RYR3: variants seen among roughly 807,000 people sequenced by gnomAD.
RYR3 encodes the protein ryanodine receptor 3.
A neutral mutation model predicts 584.3 loss-of-function variants in RYR3; 207 were observed. The observed-to-expected ratio is 0.35, with a 90% CI of 0.32 to 0.40. The LOEUF is 0.40. Ranked by LOEUF, RYR3 falls within the 10% of genes least tolerant of loss-of-function variation. The pLI is 1.00. For missense variants in RYR3, 5,616 were observed against 6,089.2 expected (o/e 0.92, Z 2.59); for synonymous variants, 2,416 against 2,248.5 (o/e 1.07, Z -2.11).
chr15:33,607,853 C>T (rs941974851), intron 18 of RYR3, among the ~76,000 whole-genome samples: 7 of 152,054 alleles, frequency 4.6e-5, no homozygotes, highest in African/African-American at 1.2e-4. Context: ...TTACAGTGTG[C>T]GAGGCGCTCT....
At chr15:33,687,224 G>A (rs2065073771) in intron 38 of RYR3, among the ~76,000 whole-genome samples, 1 of 152,170 alleles carries the variant, frequency 6.6e-6, no homozygotes, top group African/African-American at 2.4e-5. Context: ...CAAAGTCTCA[G>A]GATACAAAAT....
Position 33,857,775 on chromosome 15 carries a change from C to T in RYR3, c.14008-5C>T. On this transcript the variant is annotated splice_region_variant and splice_polypyrimidine_tract_variant and intron_variant, in intron 98 of 103. Transcript: ENST00000634891. ...CTTTTCCTTTCTCTGTCCTCTCATT[C>T]CCAGTTGGTTCTGACTGTCGGTCTC... is the stretch of plus-strand genomic sequence containing the variant. 3 of 1,613,962 alleles carry T rather than the reference C, an allele frequency of 1.9e-6. No homozygotes were observed. The highest frequency in any genetic ancestry group is 2.5e-6 in the Non-Finnish European group (3 of 1,179,868).
intron 1 of RYR3, among the ~76,000 whole-genome samples, chr15:33,343,793 C>A (rs1972111012): frequency 6.6e-6 from 1 of 152,234 alleles, no homozygotes; most frequent in Admixed American, 6.5e-5. Context: ...GGAACGGAAG[C>A]AGACTTTTGC....
chr15:33,686,611 G>A (rs1204409590), intron 38 of RYR3, among the ~76,000 whole-genome samples: 4 of 152,120 alleles, frequency 2.6e-5, no homozygotes, highest in Non-Finnish European at 5.9e-5. Flanking sequence ...AAGCCTGGCA[G>A]AGACACAACA....
At position 33,838,486 on chromosome 15, in the gene RYR3, A is replaced by T. The variant is rs762491695; in HGVS notation, c.12506A>T (p.Tyr4169Phe). The T allele has an allele frequency of 2.5e-6, 4 of 1,614,032 alleles. No individual in the cohort carries two copies. In the South Asian group the frequency reaches 3.3e-5, roughly 13 times the overall value. The change falls in exon 89 of 104, where the codon TAC becomes TTC. Residue 4169 changes from tyrosine (Y) to phenylalanine (F), a missense_variant. Tyr to Phe is a conservative substitution (Grantham distance 22). This residue lies in a region of RYR3 where 918 missense variants were observed against 887.4 expected (regional missense o/e 1.03). Transcript: ENST00000634891. ...ACCCTGAAGAACCTCAGGAAGCAGT[A>T]CAGGAACGTGAAAAAGATGACTGCG... ...RATLKNLRKQ[Y>F]RNVKKMTAKE...
Position 33,663,755 on chromosome 15 carries a change from G to T in RYR3, c.5619+18G>T. The T allele has an allele frequency of 6.3e-7, 1 of 1,585,758 alleles. No homozygotes were observed. Among genetic ancestry groups the T allele is most frequent in the Non-Finnish European group, 8.6e-7 (1 of 1,166,116 alleles). On this transcript the variant is annotated intron_variant, in intron 36 of 103. Coordinates refer to ENST00000634891, the MANE Select transcript of RYR3 (RefSeq NM_001036.6). ...AGGAGCAGGTGAGGGTCCTTCCTGA[G>T]CCTCTGTCCAGTTCCTATGGAAGAA... is the stretch of plus-strand genomic sequence containing the variant.
At chr15:33,811,621 T>TTACGAAGAGGA (rs1567221907) in intron 72 of RYR3, among the ~76,000 whole-genome samples, 1 of 151,306 alleles carries the variant, frequency 6.6e-6, no homozygotes, top group Non-Finnish European at 1.5e-5. Flanking sequence ...ACAAAGAGGA[T>TTACGAAGAGGA]TACAAAGAGG....
intron 11 of RYR3, among the ~76,000 whole-genome samples, chr15:33,565,526 G>A (rs1007815697): frequency 2.6e-5 from 4 of 152,130 alleles, no homozygotes; most frequent in African/African-American, 4.8e-5. Flanking sequence ...AAAGTAAGTT[G>A]TTTCTTTATG....
At chr15:33,530,334 G>A (rs1037934760) in intron 3 of RYR3, among the ~76,000 whole-genome samples, 3 of 152,126 alleles carry the variant, frequency 2.0e-5, no homozygotes, top group Non-Finnish European at 4.4e-5. Flanking sequence ...AACAGCTCTG[G>A]GTTTCTGCTG....
rs746196884 is a variant in RYR3, at chr15:33,699,701, C to T, written c.6250-3C>T. ...GTCTGACACTTTCTACTTCTCCCTA[C>T]AGATTGCATTTCCAAAGATGGTTGC... On this transcript the variant is annotated splice_region_variant and splice_polypyrimidine_tract_variant and intron_variant, in intron 40 of 103. Transcript: ENST00000634891. 3 of 1,613,364 alleles carry T rather than the reference C, an allele frequency of 1.9e-6. No homozygotes were observed. Among genetic ancestry groups the T allele is most frequent in the Non-Finnish European group, 2.5e-6 (3 of 1,179,526 alleles).
intron 32 of RYR3, among the ~76,000 whole-genome samples, chr15:33,659,411 T>TA (rs1430566562): frequency 5.3e-5 from 8 of 152,186 alleles, no homozygotes; most frequent in Admixed American, 2.6e-4. Flanking sequence ...AGGTATGCCT[T>TA]TGGTGGGGAG....
chr15:33,449,692 T>G (rs1036886175), intron 1 of RYR3, among the ~76,000 whole-genome samples: 2 of 152,204 alleles, frequency 1.3e-5, no homozygotes, highest in African/African-American at 4.8e-5. Context: ...ATTCTGATGG[T>G]TCCTCTAAGT....
intron 42 of RYR3, among the ~76,000 whole-genome samples, chr15:33,706,138 T>C (rs77319159): frequency 0.083 from 12,281 of 148,348 alleles, 1,038 homozygotes; most frequent in African/African-American, 0.22. Flanking sequence ...AGCTATCTTA[T>C]AAAAAAAAAA....
intron 8 of RYR3, among the ~76,000 whole-genome samples, chr15:33,545,721 G>T (rs1181321406): frequency 1.3e-5 from 2 of 152,126 alleles, no homozygotes; most frequent in South Asian, 4.1e-4. Flanking sequence ...GAAATGTCCA[G>T]CATGGCCAGG....
intron 91 of RYR3, 120 bp from the exon 92 acceptor site, chr15:33,843,368 A>C: frequency 1.5e-6 from 1 of 664,010 alleles, no homozygotes; most frequent in Non-Finnish European, 2.7e-6. Flanking sequence ...AAGAGTGGTC[A>C]TCAAAGAGTA....
intron 10 of RYR3, among the ~76,000 whole-genome samples, chr15:33,552,463 G>C (rs2056757946): frequency 6.6e-6 from 1 of 152,190 alleles, no homozygotes; most frequent in South Asian, 2.1e-4. Context: ...GCATAGCAGA[G>C]CTGGGGGCAA....
intron 1 of RYR3, among the ~76,000 whole-genome samples, chr15:33,455,709 A>G (rs571249089): frequency 6.6e-6 from 1 of 152,336 alleles, no homozygotes; most frequent in South Asian, 2.1e-4. Flanking sequence ...GCTTTGTCAT[A>G]GGAACAGAGG....
chr15:33,474,296 G>T (rs1479947159), intron 2 of RYR3, among the ~76,000 whole-genome samples: 1 of 152,134 alleles, frequency 6.6e-6, no homozygotes, highest in Non-Finnish European at 1.5e-5. Context: ...TGAGTGGGTA[G>T]GTAGGTAAGT....
At chr15:33,859,283 C>A (rs886498761) in intron 99 of RYR3, among the ~76,000 whole-genome samples, 1 of 152,212 alleles carries the variant, frequency 6.6e-6, no homozygotes, top group Admixed American at 6.5e-5. Flanking sequence ...ATGGCATAGG[C>A]CATACTCATC....
Sources: allele counts gnomAD v4.1 joint callset (sites outside exome capture counted in the v4.1 genomes callset), GRCh38; gene constraint gnomAD v4.1.1; regional missense constraint gnomAD v4.1.1; transcripts MANE v1.5; gene names NCBI Gene and HGNC (gene_info 2026-07-23, HGNC 2026-07-21).